PTPN4: variants seen among roughly 807,000 people sequenced by gnomAD.
PTPN4 encodes the protein protein tyrosine phosphatase non-receptor type 4, also known as tyrosine-protein phosphatase non-receptor type 4.
Under a neutral mutation model 135.5 loss-of-function variants are expected in PTPN4, and 49 were observed. That is an observed-to-expected ratio of 0.36 (90% CI 0.29 to 0.46). The LOEUF (loss-of-function observed/expected upper bound fraction) is 0.46, where lower values mean the gene tolerates loss of function less well. Ranked by LOEUF, PTPN4 falls within the 20% of genes least tolerant of loss-of-function variation. PTPN4 has a pLI of 1.00. For missense variants in PTPN4, 860 were observed against 1,101.0 expected (o/e 0.78, Z 3.10); for synonymous variants, 333 against 369.9 (o/e 0.90, Z 1.14).
chr2:119,818,881 C>T (rs1677026146), intron 2 of PTPN4, among the ~76,000 whole-genome samples: 2 of 152,274 alleles, frequency 1.3e-5, no homozygotes, highest in Middle Eastern at 3.4e-3. Context: ...ATCAAGATAT[C>T]TCTCCTCCGA....
At chr2:119,781,784 T>G (rs1056510762) in intron 1 of PTPN4, among the ~76,000 whole-genome samples, 25 of 152,370 alleles carry the variant, frequency 1.6e-4, no homozygotes, top group African/African-American at 5.5e-4. Context: ...TGTTTATGGC[T>G]GCTTTCATGC....
chr2:119,877,271 A>G, intron 3 of PTPN4, 52 bp from the exon 4 acceptor site: 3 of 1,568,004 alleles, frequency 1.9e-6, no homozygotes, highest in Non-Finnish European at 1.7e-6. Flanking sequence ...AAGAATCAAT[A>G]TAGTAGTTCC....
At chr2:119,931,113 G>A (rs1397017402) in intron 13 of PTPN4, among the ~76,000 whole-genome samples, 1 of 151,910 alleles carries the variant, frequency 6.6e-6, no homozygotes, top group Non-Finnish European at 1.5e-5. Flanking sequence ...TTTGTAAATT[G>A]TGCTGGAATG....
chr2:119,861,080 G>A (rs1316639819), intron 2 of PTPN4, among the ~76,000 whole-genome samples: 1 of 151,900 alleles, frequency 6.6e-6, no homozygotes, highest in Admixed American at 6.6e-5. Context: ...TTGGCTGGGA[G>A]GTCCGGGATC....
chr2:119,879,499 T>C (rs1678038621), intron 5 of PTPN4, among the ~76,000 whole-genome samples: 1 of 152,232 alleles, frequency 6.6e-6, no homozygotes, highest in Admixed American at 6.5e-5. Context: ...GTGATTTTTC[T>C]ACTCTGATTA....
At chr2:119,935,077 A>C in intron 15 of PTPN4, 119 bp downstream of exon 15, 1 of 1,194,400 alleles carries the variant, frequency 8.4e-7, no homozygotes, top group Non-Finnish European at 1.2e-6. Context: ...ACTTTTCAAA[A>C]TGTGTATGTT....
chr2:119,783,409 G>A (rs1531666), intron 1 of PTPN4, among the ~76,000 whole-genome samples: 148,323 of 152,286 alleles, frequency 0.97, 72,350 homozygotes, highest in East Asian at 1. Flanking sequence ...TTTTCCCCTT[G>A]ATTTTCTGGG....
At chr2:119,810,594 G>A (rs1056215936) in intron 2 of PTPN4, among the ~76,000 whole-genome samples, 1 of 151,738 alleles carries the variant, frequency 6.6e-6, no homozygotes, top group Non-Finnish European at 1.5e-5. Context: ...GTTTATTGTT[G>A]GTATATATTT....
At chr2:119,925,697 C>T (rs1270643464) in intron 12 of PTPN4, among the ~76,000 whole-genome samples, 3 of 152,290 alleles carry the variant, frequency 2.0e-5, no homozygotes, top group Middle Eastern at 3.4e-3. Flanking sequence ...GTGGAGAATA[C>T]TGGAACTGTT....
At chr2:119,971,416 C>A (rs1317921498) in intron 26 of PTPN4, among the ~76,000 whole-genome samples, 1 of 152,204 alleles carries the variant, frequency 6.6e-6, no homozygotes, top group South Asian at 2.1e-4. Context: ...CACAGCTATA[C>A]CATATCACTA....
chr2:119,834,910 T>C (rs1176130149), intron 2 of PTPN4, among the ~76,000 whole-genome samples: 1 of 152,250 alleles, frequency 6.6e-6, no homozygotes, highest in African/African-American at 2.4e-5. Flanking sequence ...ATTACTATTG[T>C]TGTTATTAAC....
At chr2:119,826,883 G>A (rs1008880300) in intron 2 of PTPN4, among the ~76,000 whole-genome samples, 1 of 152,046 alleles carries the variant, frequency 6.6e-6, no homozygotes, top group Non-Finnish European at 1.5e-5. Context: ...AATAAAATTA[G>A]TCAGGCATGG....
intron 12 of PTPN4, among the ~76,000 whole-genome samples, chr2:119,921,373 G>C (rs1005559052): frequency 6.6e-6 from 1 of 152,118 alleles, no homozygotes; most frequent in Admixed American, 6.6e-5. Context: ...AAAATGTTTA[G>C]ATGTTCCCAG....
In PTPN4 at chr2:119,760,182, C is replaced by G. The variant is rs1302604817; in HGVS notation, c.-220C>G. The G allele has an allele frequency of 5.1e-6, 2 of 394,268 alleles. No homozygotes were observed. The highest frequency in any genetic ancestry group is 7.2e-5 in the East Asian group (2 of 27,782). 24.4% of individuals were successfully genotyped at this position (394,268 alleles called of 1,614,324 possible). Reference sequence around the variant, plus strand: ...GCTGCCCGCCTCCCTGCCACCTCCCCAGCGGCGCCGGCCCGCGGCTGCCCA... The same window carrying G: ...GCTGCCCGCCTCCCTGCCACCTCCCGAGCGGCGCCGGCCCGCGGCTGCCCA... On this transcript the variant is annotated 5_prime_UTR_variant, in exon 1 of 27. Coordinates refer to ENST00000263708, the MANE Select transcript of PTPN4 (RefSeq NM_002830.4).
At chr2:119,767,736 C>T (rs901068382) in intron 1 of PTPN4, among the ~76,000 whole-genome samples, 4 of 152,148 alleles carry the variant, frequency 2.6e-5, no homozygotes, top group Admixed American at 2.0e-4. Flanking sequence ...ATGTGCAGAC[C>T]GAGTGCATTG....
At chr2:119,937,967 A>T (rs1351429908) in intron 15 of PTPN4, among the ~76,000 whole-genome samples, 2 of 152,052 alleles carry the variant, frequency 1.3e-5, no homozygotes, top group South Asian at 2.1e-4. Context: ...CAAAAAAAAA[A>T]AAAGGTCAGA....
chr2:119,917,478 A>G (rs1453035612), intron 11 of PTPN4, among the ~76,000 whole-genome samples: 2 of 152,202 alleles, frequency 1.3e-5, no homozygotes, highest in Admixed American at 6.5e-5. Context: ...TCACGCCTGT[A>G]ATCCCAGCAC....
chr2:119,825,713 C>G (rs534594069), intron 2 of PTPN4, among the ~76,000 whole-genome samples: 1 of 152,208 alleles, frequency 6.6e-6, no homozygotes, highest in Non-Finnish European at 1.5e-5. Flanking sequence ...GCAGGTTGGT[C>G]TCGAACTCCT....
chr2:119,878,639 T>C (rs890578678), intron 5 of PTPN4, among the ~76,000 whole-genome samples: 3 of 151,668 alleles, frequency 2.0e-5, no homozygotes, highest in African/African-American at 7.3e-5. Flanking sequence ...ATTGAAATTC[T>C]AGAGATTTCT....
Sources: gnomAD v4.1 joint callset for allele counts (sites outside exome capture counted in the v4.1 genomes callset) on GRCh38, gnomAD v4.1.1 for gene constraint, MANE v1.5 for transcripts, NCBI Gene and HGNC (gene_info 2026-07-23, HGNC 2026-07-21) for gene names.